HEMK2: variants seen among roughly 807,000 people sequenced by gnomAD.
HEMK2 encodes methyltransferase HEMK2.
chr21:28,756,534 A>G, the HEMK2 span, among the ~76,000 whole-genome samples: 1 of 152,146 alleles, frequency 6.6e-6, no homozygotes. Context: ...ATTATAAAAC[A>G]CATTAAATAT....
the HEMK2 span, among the ~76,000 whole-genome samples, chr21:28,818,584 C>T: frequency 0.086 from 13,071 of 152,186 alleles, 1,319 homozygotes; most frequent in African/African-American, 0.23. Flanking sequence ...TTCTCTCCTT[C>T]CCCTTCTTTG....
the HEMK2 span, among the ~76,000 whole-genome samples, chr21:28,706,073 G>C: frequency 2.0e-5 from 3 of 152,206 alleles, no homozygotes; most frequent in Non-Finnish European, 2.9e-5. Context: ...TTAGGATGTA[G>C]ACATCTTTGA....
At chr21:28,737,982 T>C in the HEMK2 span, among the ~76,000 whole-genome samples, 1 of 152,208 alleles carries the variant, frequency 6.6e-6, no homozygotes, top group African/African-American at 2.4e-5. Context: ...CCAATTGCAC[T>C]GTGTTTTCAT....
At chr21:28,659,579 T>G in the HEMK2 span, among the ~76,000 whole-genome samples, 1 of 152,114 alleles carries the variant, frequency 6.6e-6, no homozygotes, top group Non-Finnish European at 1.5e-5. Flanking sequence ...CATATTCATA[T>G]ACCCTGGACT....
At chr21:28,631,760 T>C in the HEMK2 span, among the ~76,000 whole-genome samples, 3 of 151,646 alleles carry the variant, frequency 2.0e-5, no homozygotes, top group East Asian at 1.9e-4. Context: ...TAATCTCCAG[T>C]TTTAGTTTCT....
the HEMK2 span, among the ~76,000 whole-genome samples, chr21:28,775,126 TTAGAGA>T: frequency 6.6e-6 from 1 of 152,194 alleles, no homozygotes; most frequent in East Asian, 1.9e-4. Flanking sequence ...GAAAGTAACA[TTAGAGA>T]TAATCTTATG....
the HEMK2 span, among the ~76,000 whole-genome samples, chr21:28,680,348 C>A: frequency 6.6e-6 from 1 of 151,962 alleles, no homozygotes; most frequent in African/African-American, 2.4e-5. Flanking sequence ...AAGACTAAAC[C>A]AGGAAGAAGT....
the HEMK2 span, among the ~76,000 whole-genome samples, chr21:28,822,395 A>T: frequency 1.3e-5 from 2 of 152,190 alleles, no homozygotes; most frequent in Non-Finnish European, 2.9e-5. Context: ...TAAATCACAC[A>T]TCATATGAAA....
chr21:28,781,224 T>C, the HEMK2 span, among the ~76,000 whole-genome samples: 1 of 152,272 alleles, frequency 6.6e-6, no homozygotes, highest in Non-Finnish European at 1.5e-5. Flanking sequence ...GACTTCTTCC[T>C]GCAGGTGAAT....
chr21:28,764,491 A>AT, the HEMK2 span, among the ~76,000 whole-genome samples: 32 of 152,240 alleles, frequency 2.1e-4, no homozygotes, highest in African/African-American at 7.5e-4. Flanking sequence ...AAAAGCTACA[A>AT]TGAAACCTGT....
At chr21:28,667,558 T>C in the HEMK2 span, among the ~76,000 whole-genome samples, 2 of 148,630 alleles carry the variant, frequency 1.3e-5, no homozygotes, top group Non-Finnish European at 3.0e-5. Flanking sequence ...ATTTATGTTG[T>C]TTCATGATGT....
chr21:28,846,551 G>C, the HEMK2 span, among the ~76,000 whole-genome samples: 1 of 152,056 alleles, frequency 6.6e-6, no homozygotes, highest in African/African-American at 2.4e-5. Flanking sequence ...CTAATGATTA[G>C]TAATATTGAG....
chr21:28,878,576 A>G, the HEMK2 span, among the ~76,000 whole-genome samples: 2 of 150,572 alleles, frequency 1.3e-5, no homozygotes, highest in Non-Finnish European at 3.0e-5. Context: ...GAATAGTTCC[A>G]TATGTACAAT....
chr21:28,703,090 A>T, the HEMK2 span, among the ~76,000 whole-genome samples: 1 of 152,184 alleles, frequency 6.6e-6, no homozygotes, highest in Admixed American at 6.5e-5. Context: ...GTTCTCACTT[A>T]TAAGTGGAAG....
chr21:28,883,005 T>C, the HEMK2 span: 3 of 1,603,564 alleles, frequency 1.9e-6, no homozygotes, highest in Non-Finnish European at 2.6e-6. Context: ...CCTGAGGGCC[T>C]ATCATAGAGG....
At chr21:28,790,013 T>C in the HEMK2 span, among the ~76,000 whole-genome samples, 2 of 152,232 alleles carry the variant, frequency 1.3e-5, no homozygotes, top group Admixed American at 6.5e-5. Flanking sequence ...AACTTTAACT[T>C]ACTTAGTTAA....
the HEMK2 span, among the ~76,000 whole-genome samples, chr21:28,836,410 T>G: frequency 6.6e-6 from 1 of 152,078 alleles, no homozygotes; most frequent in Admixed American, 6.6e-5. Flanking sequence ...GAAGGAAAGA[T>G]AGTCTTTTTT....
chr21:28,798,213 G>A, the HEMK2 span, among the ~76,000 whole-genome samples: 1 of 152,166 alleles, frequency 6.6e-6, no homozygotes, highest in African/African-American at 2.4e-5. Context: ...GGGGTTTGAG[G>A]AGGGTGTTTA....
chr21:28,676,754 T>TC, the HEMK2 span, among the ~76,000 whole-genome samples: 1 of 152,006 alleles, frequency 6.6e-6, no homozygotes, highest in East Asian at 1.9e-4. Flanking sequence ...TTCCCCTTTT[T>TC]CCCCCTTTTG....
Sources: allele counts gnomAD v4.1 joint callset (sites outside exome capture counted in the v4.1 genomes callset), GRCh38; gene constraint gnomAD v4.1.1; transcripts MANE v1.5; gene names NCBI Gene and HGNC (gene_info 2026-07-23, HGNC 2026-07-21).